SRGAP3: variants seen among roughly 807,000 people sequenced by gnomAD.
SRGAP3 encodes SLIT-ROBO Rho GTPase activating protein 3.
In SRGAP3, 39 loss-of-function variants were observed where a neutral mutation model predicts 121.1. The ratio of observed to expected loss-of-function variants is 0.32; its 90% confidence interval spans 0.25 to 0.42. The LOEUF is 0.42. Ranked by LOEUF, SRGAP3 falls within the 10% of genes least tolerant of loss-of-function variation. The probability of loss-of-function intolerance (pLI) is 1.00; values close to 1 mark genes in which losing one functional copy is unlikely to be tolerated. For missense variants in SRGAP3, 1,213 were observed against 1,470.6 expected (o/e 0.82, Z 2.86); for synonymous variants, 601 against 570.0 (o/e 1.05, Z -0.77).
intron 9 of SRGAP3, among the ~76,000 whole-genome samples, chr3:9,047,862 G>A (rs1347450254): frequency 3.3e-5 from 5 of 152,206 alleles, no homozygotes; most frequent in Non-Finnish European, 5.9e-5. Context: ...AATGGGAGCC[G>A]TCCCAGGGGC....
At chr3:9,150,863 G>A (rs913251886) in intron 1 of SRGAP3, among the ~76,000 whole-genome samples, 1 of 152,212 alleles carries the variant, frequency 6.6e-6, no homozygotes, top group Admixed American at 6.5e-5. Context: ...GCAAGCCCCA[G>A]ATCACATGCT....
intron 13 of SRGAP3, among the ~76,000 whole-genome samples, chr3:9,025,834 T>C (rs1944170831): frequency 6.6e-6 from 1 of 152,222 alleles, no homozygotes; most frequent in African/African-American, 2.4e-5. Flanking sequence ...TTCATCTTAA[T>C]GAGAATTAAT....
At chr3:9,001,133 A>G (rs1002351026) in intron 18 of SRGAP3, among the ~76,000 whole-genome samples, 2 of 152,250 alleles carry the variant, frequency 1.3e-5, no homozygotes, top group Non-Finnish European at 2.9e-5. Context: ...ACAATGTTAG[A>G]GTTAGTTAGG....
intron 3 of SRGAP3, chr3:9,292,594 T>C (rs533065883): frequency 1.7e-4 from 26 of 152,320 alleles, no homozygotes; most frequent in Admixed American, 3.9e-4. Context: ...AATAATTAAT[T>C]CATTTTCTCA....
In SRGAP3 at chr3:9,348,503, C is replaced by T. The variant is rs905261889; in HGVS notation, n.214+14337G>A. On this transcript the variant is annotated intron_variant and non_coding_transcript_variant, in intron 1 of 3. Transcript: ENST00000490889. Reference sequence around the variant, plus strand: ...CGAGAGCATGTGGAATCCGGAGAACCGCTTCAGCAGCTGGTACAACACCGA... The same window carrying T: ...CGAGAGCATGTGGAATCCGGAGAACTGCTTCAGCAGCTGGTACAACACCGA... 58 of 739,684 alleles carry T rather than the reference C, an allele frequency of 7.8e-5. No homozygotes were observed. The African/African-American group carries it at 9.2e-4, about 12-fold the overall frequency. 45.8% of individuals were successfully genotyped at this position (739,684 alleles called of 1,614,324 possible).
At chr3:9,172,640 G>A (rs905500178) in intron 1 of SRGAP3, among the ~76,000 whole-genome samples, 2 of 152,178 alleles carry the variant, frequency 1.3e-5, no homozygotes, top group African/African-American at 4.8e-5. Flanking sequence ...TGGCCATGGT[G>A]AAATGTCCAA....
At chr3:9,326,532 T>TTACATTTGCCCTCAGATGGGCCCCTCATC (rs1955522378) in intron 2 of SRGAP3, among the ~76,000 whole-genome samples, 1 of 151,804 alleles carries the variant, frequency 6.6e-6, no homozygotes, top group Non-Finnish European at 1.5e-5. Flanking sequence ...TAACAAAAGC[T>TTACATTTGCCCTCAGATGGGCCCCTCATC]TTAAGGACTT....
chr3:9,356,192 CTTTTTTTTT>C (rs929664300), intron 1 of SRGAP3, among the ~76,000 whole-genome samples: 10 of 122,300 alleles, frequency 8.2e-5, no homozygotes, highest in Non-Finnish European at 1.4e-4. Context: ...ACTTTTTTTT[CTTTTTTTTT>C]TTTTTTTTTT....
chr3:9,028,750 T>C (rs576062571), intron 12 of SRGAP3, among the ~76,000 whole-genome samples: 1 of 152,316 alleles, frequency 6.6e-6, no homozygotes, highest in East Asian at 1.9e-4. Flanking sequence ...CCTAAGTTGC[T>C]TTTCTTGGGT....
At chr3:9,345,785 C>CAAAAAAA (rs34225108) in intron 1 of SRGAP3, among the ~76,000 whole-genome samples, 174 of 64,530 alleles carry the variant, frequency 2.7e-3, no homozygotes, top group East Asian at 5.0e-3. Flanking sequence ...GACTCCAACT[C>CAAAAAAA]AAAAAAAAAA....
intron 2 of SRGAP3, among the ~76,000 whole-genome samples, chr3:9,117,119 G>A (rs889602772): frequency 1.3e-5 from 2 of 152,194 alleles, no homozygotes; most frequent in African/African-American, 4.8e-5. Context: ...GATACCAATC[G>A]CAGTAATAGT....
chr3:8,998,034 G>C (rs745685520), intron 18 of SRGAP3, among the ~76,000 whole-genome samples: 27 of 151,920 alleles, frequency 1.8e-4, no homozygotes, highest in Non-Finnish European at 3.1e-4. Context: ...GGCACATGCC[G>C]CCATGCCCAG....
rs550786219 is a variant in SRGAP3 at position 9,013,250 on chromosome 3, C to T, written c.2147+58G>A. 7 of 1,526,694 alleles carry T rather than the reference C, an allele frequency of 4.6e-6. No homozygotes were observed. The South Asian group carries it at 8.0e-5, about 18-fold the overall frequency. The allele number at this position is 1,526,694 out of a possible 1,614,324, so 94.6% of individuals were successfully genotyped here. On this transcript the variant is annotated intron_variant, in intron 17 of 21. Transcript: ENST00000383836. ...AAAACTGAAGGGTTTCTTATTGTTC[C>T]TATTCAATGGCAATAACAATGACGA...
At chr3:9,260,250 C>T (rs769159160) in intron 3 of SRGAP3, among the ~76,000 whole-genome samples, 1 of 152,138 alleles carries the variant, frequency 6.6e-6, no homozygotes, top group African/African-American at 2.4e-5. Flanking sequence ...GAGCTAGCTG[C>T]AGGAGTTTTT....
intron 3 of SRGAP3, among the ~76,000 whole-genome samples, chr3:9,318,511 C>A (rs1314691678): frequency 6.6e-6 from 1 of 151,804 alleles, no homozygotes; most frequent in Non-Finnish European, 1.5e-5. Flanking sequence ...CTCTTCAACC[C>A]CCTTGCCCTC....
upstream of SRGAP3, among the ~76,000 whole-genome samples, chr3:9,251,525 A>G (rs1954017704): frequency 6.6e-6 from 1 of 152,208 alleles, no homozygotes; most frequent in Admixed American, 6.5e-5. Flanking sequence ...GGAGTACGAC[A>G]GACTGGATCC....
At chr3:9,090,140 C>G (rs756231043) in intron 3 of SRGAP3, among the ~76,000 whole-genome samples, 5 of 152,160 alleles carry the variant, frequency 3.3e-5, no homozygotes, top group Non-Finnish European at 4.4e-5. Flanking sequence ...GAAATGACCA[C>G]TGAATGAGAC....
intron 1 of SRGAP3, among the ~76,000 whole-genome samples, chr3:9,353,546 C>T (rs965451046): frequency 6.6e-6 from 1 of 152,234 alleles, no homozygotes; most frequent in East Asian, 1.9e-4. Flanking sequence ...AGTCCACCAA[C>T]AAGCTCTCAC....
At chr3:9,355,553 T>C (rs1273861976) in intron 1 of SRGAP3, among the ~76,000 whole-genome samples, 2 of 152,218 alleles carry the variant, frequency 1.3e-5, no homozygotes, top group Non-Finnish European at 2.9e-5. Context: ...CTCCTGGCTA[T>C]CTAAATAGCT....
Sources: allele counts gnomAD v4.1 joint callset (sites outside exome capture counted in the v4.1 genomes callset), GRCh38; gene constraint gnomAD v4.1.1; transcripts MANE v1.5; gene names NCBI Gene and HGNC (gene_info 2026-07-23, HGNC 2026-07-21).